Variants in CNTN4 observed in about 807,000 individuals in gnomAD.
CNTN4 encodes the protein contactin 4, also known as contactin-4.
A neutral mutation model predicts 122.5 loss-of-function variants in CNTN4; 77 were observed. That is an observed-to-expected ratio of 0.63 (90% CI 0.52 to 0.76). CNTN4 has a LOEUF of 0.76. Among genes scored for constraint, CNTN4 ranks in the 30% least tolerant of loss-of-function variants. The pLI is 0.00. For synonymous variants in CNTN4, 512 were observed against 447.0 expected (o/e 1.15, Z -1.83); for missense variants, 1,256 against 1,259.1 (o/e 1.00, Z 0.04).
intron 3 of CNTN4, among the ~76,000 whole-genome samples, chr3:2,565,842 G>C (rs2079134777): frequency 1.3e-5 from 2 of 152,106 alleles, no homozygotes; most frequent in Admixed American, 1.3e-4. Context: ...GCTAATTGTA[G>C]AGTTAGGAAA....
At chr3:3,035,927 T>TAAAA (rs34297312) in intron 17 of CNTN4, among the ~76,000 whole-genome samples, 1 of 143,014 alleles carries the variant, frequency 7.0e-6, no homozygotes, top group Non-Finnish European at 1.5e-5. Flanking sequence ...TACAAATTCT[T>TAAAA]AAAAAAAAAA....
chr3:2,851,805 A>C (rs1238636521), intron 7 of CNTN4, among the ~76,000 whole-genome samples: 1 of 152,220 alleles, frequency 6.6e-6, no homozygotes, highest in African/African-American at 2.4e-5. Context: ...GTAAAAATCC[A>C]GGGTGATGGG....
chr3:2,403,423 C>T (rs2046926938), intron 3 of CNTN4, among the ~76,000 whole-genome samples: 1 of 152,086 alleles, frequency 6.6e-6, no homozygotes, highest in South Asian at 2.1e-4. Flanking sequence ...TGCTTTTACT[C>T]AAAAAATTTG....
At chr3:2,786,555 G>C (rs1292024074) in intron 6 of CNTN4, among the ~76,000 whole-genome samples, 1 of 152,170 alleles carries the variant, frequency 6.6e-6, no homozygotes, top group Non-Finnish European at 1.5e-5. Flanking sequence ...ATTTCAATTT[G>C]AGTTTAGACC....
At chr3:2,935,882 C>G (rs1174000049) in intron 13 of CNTN4, among the ~76,000 whole-genome samples, 1 of 152,092 alleles carries the variant, frequency 6.6e-6, no homozygotes, top group Non-Finnish European at 1.5e-5. Context: ...AATGAACCAA[C>G]CCAAATCGTC....
intron 12 of CNTN4, among the ~76,000 whole-genome samples, chr3:2,904,787 A>G (rs902879282): frequency 2.0e-5 from 3 of 152,222 alleles, no homozygotes; most frequent in African/African-American, 7.2e-5. Flanking sequence ...GCTAGTTGGA[A>G]GAACAGCTAA....
intron 3 of CNTN4, among the ~76,000 whole-genome samples, chr3:2,418,802 C>T (rs1031562821): frequency 6.6e-5 from 10 of 151,994 alleles, no homozygotes; most frequent in African/African-American, 2.2e-4. Context: ...ATTTTAAATC[C>T]ATGTTGGCTT....
chr3:2,435,678 A>T (rs555805171), intron 3 of CNTN4, among the ~76,000 whole-genome samples: 54 of 152,296 alleles, frequency 3.5e-4, no homozygotes, highest in African/African-American at 1.3e-3. Flanking sequence ...TTTTAGGTGC[A>T]TAAGAGAAGC....
chr3:2,974,611 A>T (rs1693246672), intron 13 of CNTN4, among the ~76,000 whole-genome samples: 1 of 152,202 alleles, frequency 6.6e-6, no homozygotes, highest in Non-Finnish European at 1.5e-5. Flanking sequence ...ATGTGGCCGA[A>T]ATGGAGAGAC....
chr3:2,559,520 T>C (rs2078857053), intron 3 of CNTN4, among the ~76,000 whole-genome samples: 1 of 152,040 alleles, frequency 6.6e-6, no homozygotes, highest in South Asian at 2.1e-4. Context: ...AAGCATTTGG[T>C]AATCTGTCCA....
chr3:2,386,988 AG>A (rs2150837603), intron 3 of CNTN4, among the ~76,000 whole-genome samples: 1 of 152,312 alleles, frequency 6.6e-6, no homozygotes, highest in East Asian at 1.9e-4. Context: ...TCTTTACTTC[AG>A]GAAGACTACC....
intron 2 of CNTN4, among the ~76,000 whole-genome samples, chr3:2,225,243 A>T (rs764726578): frequency 1.4e-5 from 2 of 138,858 alleles, no homozygotes; most frequent in Non-Finnish European, 3.2e-5. Context: ...TGCCAGGCGC[A>T]TTGGCTCACA....
intron 14 of CNTN4, among the ~76,000 whole-genome samples, chr3:3,005,924 C>G (rs59577358): frequency 1.4e-5 from 2 of 144,332 alleles, no homozygotes; most frequent in Admixed American, 7.1e-5. Context: ...CTCACTGTGT[C>G]GCCCAGGCTG....
At position 2,135,174 on chromosome 3, in the gene CNTN4, G is replaced by T. The variant is rs55870353; in HGVS notation, c.-145+34535G>T. 1.6e-3 allele frequency among the ~76,000 whole-genome samples: 243 copies of T among 152,256 alleles called. 1 individual carries two copies. The highest frequency in any genetic ancestry group is 5.7e-3 in the African/African-American group (235 of 41,546). ...GGCAGGGCCAGGTAGGAGAGCATTA[G>T]AGATGGCCTGTGTGGACCTTGAGGA... On this transcript the variant is annotated intron_variant, in intron 2 of 24. Coordinates refer to ENST00000418658, the MANE Select transcript of CNTN4 (RefSeq NM_175607.3).
chr3:2,165,339 C>T (rs1483391023), intron 2 of CNTN4, among the ~76,000 whole-genome samples: 1 of 150,268 alleles, frequency 6.7e-6, no homozygotes, highest in East Asian at 2.0e-4. Context: ...AAAAAAAAGA[C>T]AAAACAAAAA....
intron 6 of CNTN4, among the ~76,000 whole-genome samples, chr3:2,777,919 T>G (rs1400648173): frequency 1.3e-5 from 2 of 152,148 alleles, no homozygotes; most frequent in Non-Finnish European, 2.9e-5. Context: ...CCTTCCTAAA[T>G]TTTAAGAAAT....
chr3:2,925,834 T>G (rs944434975), intron 13 of CNTN4, 55 bp downstream of exon 13: 16 of 1,483,898 alleles, frequency 1.1e-5, no homozygotes, highest in Non-Finnish European at 1.4e-5. Flanking sequence ...TGTGTTGGTC[T>G]GTTATTAATA....
intron 4 of CNTN4, among the ~76,000 whole-genome samples, chr3:2,706,046 A>C (rs914816962): frequency 7.5e-5 from 11 of 145,898 alleles, no homozygotes; most frequent in Non-Finnish European, 1.2e-4. Context: ...ATAGACACAC[A>C]AACATATATA....
At chr3:2,616,979 C>T (rs535410293) in intron 4 of CNTN4, among the ~76,000 whole-genome samples, 11 of 152,180 alleles carry the variant, frequency 7.2e-5, no homozygotes, top group Admixed American at 2.6e-4. Flanking sequence ...ACACCTTATA[C>T]GAAAATTAAC....
Sources: allele counts gnomAD v4.1 joint callset (sites outside exome capture counted in the v4.1 genomes callset), GRCh38; gene constraint gnomAD v4.1.1; transcripts MANE v1.5; gene names NCBI Gene and HGNC (gene_info 2026-07-23, HGNC 2026-07-21).